The following SNTG1 variants were observed in gnomAD, a reference collection of about 807,000 sequenced individuals.
The protein encoded by SNTG1 is gamma-1-syntrophin.
SNTG1 carries 39 observed loss-of-function variants against 74.7 expected under a neutral mutation model. That is an observed-to-expected ratio of 0.52 (90% CI 0.40 to 0.68). The LOEUF is 0.68. SNTG1 is among the 30% of genes least tolerant of loss of function. SNTG1 has a pLI of 0.00. For synonymous variants in SNTG1, 254 were observed against 217.1 expected (o/e 1.17, Z -1.49); for missense variants, 685 against 609.5 (o/e 1.12, Z -1.30).
intron 9 of SNTG1, among the ~76,000 whole-genome samples, chr8:50,511,400 G>T (rs1016687501): frequency 6.6e-6 from 1 of 152,190 alleles, no homozygotes; most frequent in Non-Finnish European, 1.5e-5. Flanking sequence ...CTGTTGTTTG[G>T]GGTGGAGAGT....
At chr8:50,734,671 T>G (rs943210914) in intron 17 of SNTG1, among the ~76,000 whole-genome samples, 3 of 148,438 alleles carry the variant, frequency 2.0e-5, no homozygotes, top group Non-Finnish European at 4.5e-5. Flanking sequence ...TCTGGAGATA[T>G]ATATAGATAT....
chr8:50,712,805 T>C (rs192326931), intron 17 of SNTG1, among the ~76,000 whole-genome samples: 61 of 152,270 alleles, frequency 4.0e-4, no homozygotes, highest in African/African-American at 1.4e-3. Flanking sequence ...GTTTTCAGCT[T>C]CATCCATGTC....
chr8:50,234,451 T>C (rs1269001122), intron 2 of SNTG1, among the ~76,000 whole-genome samples: 2 of 151,920 alleles, frequency 1.3e-5, no homozygotes, highest in South Asian at 2.1e-4. Flanking sequence ...AATAGTTCTG[T>C]ACCTTCATTT....
At chr8:50,245,293 C>A (rs2086346403) in intron 2 of SNTG1, among the ~76,000 whole-genome samples, 1 of 152,052 alleles carries the variant, frequency 6.6e-6, no homozygotes, top group Non-Finnish European at 1.5e-5. Flanking sequence ...AGACAGATCA[C>A]CAGACTATAG....
At chr8:50,282,865 A>G (rs1392929972) in intron 2 of SNTG1, among the ~76,000 whole-genome samples, 1 of 152,218 alleles carries the variant, frequency 6.6e-6, no homozygotes, top group African/African-American at 2.4e-5. Flanking sequence ...ATCCTTGGTA[A>G]TGCAACCAAT....
chr8:50,781,803 T>C (rs1284169939), intron 18 of SNTG1, among the ~76,000 whole-genome samples: 3 of 152,348 alleles, frequency 2.0e-5, no homozygotes, highest in South Asian at 4.1e-4. Context: ...CTAGCCTTGA[T>C]GGTCTTTACA....
At chr8:50,675,072 G>A (rs1341730126) in intron 15 of SNTG1, among the ~76,000 whole-genome samples, 2 of 152,036 alleles carry the variant, frequency 1.3e-5, no homozygotes, top group Admixed American at 6.6e-5. Context: ...TCTCATGAGT[G>A]TCTTACTTCC....
intron 1 of SNTG1, among the ~76,000 whole-genome samples, chr8:50,067,065 G>T (rs2130975832): frequency 6.6e-6 from 1 of 152,002 alleles, no homozygotes; most frequent in South Asian, 2.1e-4. Flanking sequence ...AAGCCATTCT[G>T]CTGTCACCAA....
chr8:50,789,553 T>C (rs1416928899), intron 18 of SNTG1, among the ~76,000 whole-genome samples: 1 of 152,026 alleles, frequency 6.6e-6, no homozygotes, highest in Non-Finnish European at 1.5e-5. Context: ...ATGTCTAATA[T>C]GCGTTCAGAT....
chr8:50,418,090 C>T (rs558918654), intron 4 of SNTG1, among the ~76,000 whole-genome samples: 5 of 152,152 alleles, frequency 3.3e-5, no homozygotes, highest in East Asian at 1.9e-4. Flanking sequence ...TCTCTTGGCC[C>T]GAAATTCTCC....
At chr8:50,138,249 A>G (rs1266499607) in intron 1 of SNTG1, among the ~76,000 whole-genome samples, 1 of 152,024 alleles carries the variant, frequency 6.6e-6, no homozygotes, top group African/African-American at 2.4e-5. Flanking sequence ...AAGCACTGAA[A>G]ATGTCTGTTC....
chr8:50,730,836 G>A (rs534175390), intron 17 of SNTG1, among the ~76,000 whole-genome samples: 1 of 152,190 alleles, frequency 6.6e-6, no homozygotes, highest in East Asian at 1.9e-4. Flanking sequence ...TGACATTCAA[G>A]TTTGCCATCA....
intron 4 of SNTG1, among the ~76,000 whole-genome samples, chr8:50,414,103 C>A (rs919951300): frequency 6.6e-6 from 1 of 152,148 alleles, no homozygotes; most frequent in Non-Finnish European, 1.5e-5. Flanking sequence ...TCACTAAATT[C>A]CATTTCCTCC....
chr8:49,973,420 G>C (rs190360447), intron 1 of SNTG1, among the ~76,000 whole-genome samples: 3,468 of 151,868 alleles, frequency 0.023, 131 homozygotes, highest in African/African-American at 0.077. Context: ...GTTAAATGAC[G>C]AGTTAATGGG....
chr8:49,921,871 C>T (rs569703965), intron 1 of SNTG1, among the ~76,000 whole-genome samples: 1 of 152,210 alleles, frequency 6.6e-6, no homozygotes, highest in African/African-American at 2.4e-5. Context: ...GTTTTAGCCA[C>T]TGAGAATTGA....
chr8:50,139,312 C>T (rs967163942), intron 1 of SNTG1, among the ~76,000 whole-genome samples: 1 of 152,132 alleles, frequency 6.6e-6, no homozygotes, highest in Non-Finnish European at 1.5e-5. Flanking sequence ...TTTGAACATG[C>T]AATTTTTTAC....
At chr8:50,549,596 G>A (rs2130566638) in intron 11 of SNTG1, among the ~76,000 whole-genome samples, 1 of 152,092 alleles carries the variant, frequency 6.6e-6, no homozygotes, top group South Asian at 2.1e-4. Context: ...CTGACTCTCA[G>A]GATCAGAGAG....
chr8:49,954,857 G>A (rs977740988), intron 1 of SNTG1, among the ~76,000 whole-genome samples: 1 of 151,934 alleles, frequency 6.6e-6, no homozygotes, highest in African/African-American at 2.4e-5. Flanking sequence ...TAGAAATATT[G>A]TAGAAAACTA....
chr8:50,350,196 C>G (rs1218247943), intron 2 of SNTG1, among the ~76,000 whole-genome samples: 2 of 152,120 alleles, frequency 1.3e-5, no homozygotes, highest in Non-Finnish European at 2.9e-5. Context: ...CTGAGCCTCC[C>G]TGCCCCCACC....
Sources: gnomAD v4.1 joint callset for allele counts (sites outside exome capture counted in the v4.1 genomes callset) on GRCh38, gnomAD v4.1.1 for gene constraint, MANE v1.5 for transcripts, NCBI Gene and HGNC (gene_info 2026-07-23, HGNC 2026-07-21) for gene names.